Variants in ARHGEF7 observed in about 807,000 individuals in gnomAD.
ARHGEF7 encodes the protein Rho guanine nucleotide exchange factor 7, also known as PAK-interacting exchange factor beta.
A neutral mutation model predicts 109.8 loss-of-function variants in ARHGEF7; 33 were observed. The observed-to-expected ratio is 0.30, with a 90% CI of 0.23 to 0.40. ARHGEF7 has a LOEUF of 0.40. ARHGEF7 is among the 10% of genes least tolerant of loss of function. The probability of loss-of-function intolerance (pLI) is 1.00; values close to 1 mark genes in which losing one functional copy is unlikely to be tolerated. For missense variants in ARHGEF7, 938 were observed against 1,098.5 expected (o/e 0.85, Z 2.07); for synonymous variants, 458 against 424.6 (o/e 1.08, Z -0.97).
At chr13:111,192,501 C>T (rs556312620) in intron 2 of ARHGEF7, among the ~76,000 whole-genome samples, 19 of 152,298 alleles carry the variant, frequency 1.2e-4, no homozygotes, top group Non-Finnish European at 2.5e-4. Context: ...GAGAAAAGGT[C>T]GTCCATACAG....
intron 13 of ARHGEF7, 33 bp downstream of exon 13, chr13:111,277,706 G>A (rs2153602057): frequency 1.4e-6 from 2 of 1,409,798 alleles, no homozygotes; most frequent in South Asian, 1.2e-5. Flanking sequence ...ATTTTATTGT[G>A]GATCTGAGGA....
Position 111,303,675 on chromosome 13 carries a change from G to C in ARHGEF7, c.*562G>C, listed in dbSNP as rs955560214. The stretch of plus-strand genomic sequence containing the variant: ...TTTCTAAATAACCTTATTTATACCT[G>C]CAGAGATACACTTCAGTCCCATTCA... On this transcript the variant is annotated 3_prime_UTR_variant, in exon 22 of 22. Transcript: ENST00000646102. The C allele has an allele frequency of 6.6e-6, 1 of 152,240 alleles. No homozygotes were observed. Among genetic ancestry groups the C allele is most frequent in the Non-Finnish European group, 1.5e-5 (1 of 68,096 alleles). 9.4% of individuals were successfully genotyped at this position (152,240 alleles called of 1,614,324 possible). A position where few individuals can be genotyped will look rare whatever the true frequency, so the allele number is the denominator to read the frequency against.
chr13:111,242,414 C>T (rs1475453682), intron 6 of ARHGEF7, among the ~76,000 whole-genome samples: 1 of 152,102 alleles, frequency 6.6e-6, no homozygotes, highest in Non-Finnish European at 1.5e-5. Flanking sequence ...TTTGGATTAT[C>T]AAAAATGATG....
chr13:111,210,944 G>C, intron 4 of ARHGEF7, among the ~76,000 whole-genome samples: 1 of 152,300 alleles, frequency 6.6e-6, no homozygotes, highest in African/African-American at 2.4e-5. Flanking sequence ...AGATAGAGTC[G>C]TGATTTGTAG....
chr13:111,208,813 C>G (rs2082176473), intron 3 of ARHGEF7, among the ~76,000 whole-genome samples: 1 of 152,108 alleles, frequency 6.6e-6, no homozygotes, highest in Admixed American at 6.5e-5. Context: ...TAGCAAGCCC[C>G]CATCTGTGGG....
intron 1 of ARHGEF7, among the ~76,000 whole-genome samples, chr13:111,133,805 A>ATG (rs2074940267): frequency 3.3e-5 from 1 of 30,732 alleles, no homozygotes; most frequent in Non-Finnish European, 7.3e-5. Context: ...ATATATATAT[A>ATG]TATATATATT....
At chr13:111,275,859 G>A in intron 12 of ARHGEF7, 181 bp downstream of exon 12, 1 of 731,434 alleles carries the variant, frequency 1.4e-6, no homozygotes. Context: ...GAGAGGCTTA[G>A]AGCTGAGTGT....
At chr13:111,267,057 C>T (rs890983036) in intron 8 of ARHGEF7, among the ~76,000 whole-genome samples, 5 of 152,146 alleles carry the variant, frequency 3.3e-5, no homozygotes, top group Non-Finnish European at 5.9e-5. Context: ...TTGGAAAAGC[C>T]TGTTAACTGT....
intron 8 of ARHGEF7, among the ~76,000 whole-genome samples, chr13:111,246,298 C>T (rs752937313): frequency 5.3e-5 from 8 of 152,158 alleles, no homozygotes; most frequent in Non-Finnish European, 8.8e-5. Flanking sequence ...GAAAAGACTA[C>T]AGTACATTAT....
At chr13:111,152,991 G>A (rs2075975374) in intron 1 of ARHGEF7, among the ~76,000 whole-genome samples, 1 of 152,194 alleles carries the variant, frequency 6.6e-6, no homozygotes, top group Admixed American at 6.5e-5. Flanking sequence ...CCTCCACTGC[G>A]GTGGATCCAC....
At chr13:111,223,179 C>T (rs2084708262) in intron 5 of ARHGEF7, among the ~76,000 whole-genome samples, 1 of 152,000 alleles carries the variant, frequency 6.6e-6, no homozygotes, top group Non-Finnish European at 1.5e-5. Context: ...GGGTGGGCGG[C>T]TATATTGCAT....
chr13:111,285,436 G>A (rs2153614642), intron 16 of ARHGEF7, among the ~76,000 whole-genome samples: 1 of 152,288 alleles, frequency 6.6e-6, no homozygotes, highest in South Asian at 2.1e-4. Flanking sequence ...GTGCTTGACA[G>A]TTGACACCTT....
chr13:111,232,791 TG>T (rs540472666), intron 5 of ARHGEF7, among the ~76,000 whole-genome samples: 74 of 152,328 alleles, frequency 4.9e-4, no homozygotes, highest in South Asian at 1.0e-3. Context: ...TTTTCCATTC[TG>T]AGGGATCTGA....
At chr13:111,283,537 C>G (rs565620234) in intron 16 of ARHGEF7, 174 bp downstream of exon 16, 2 of 742,556 alleles carry the variant, frequency 2.7e-6, no homozygotes, top group South Asian at 1.2e-4. Context: ...CTGAGAGGCC[C>G]GTGGTAACCT....
intron 2 of ARHGEF7, among the ~76,000 whole-genome samples, chr13:111,178,654 G>C (rs866789006): frequency 6.6e-6 from 1 of 152,218 alleles, no homozygotes; most frequent in African/African-American, 2.4e-5. Context: ...ATGGTGAGGA[G>C]TGCCAGCCAT....
intron 11 of ARHGEF7, 44 bp from the exon 12 acceptor site, chr13:111,275,488 C>T (rs1448628106): frequency 6.2e-7 from 1 of 1,605,652 alleles, no homozygotes; most frequent in Non-Finnish European, 8.5e-7. Context: ...ACTTAACATT[C>T]TGAAAGTTTA....
In ARHGEF7 at chr13:111,118,608, G is replaced by A. The variant is rs903897791; in HGVS notation, c.165+2917G>A. Reference sequence around the variant, plus strand: ...TCCTCCCGTGAGCAGAGGTCATGACGTCTAGGGAGCCCTGGAAGCCCTTTT... The same window carrying A: ...TCCTCCCGTGAGCAGAGGTCATGACATCTAGGGAGCCCTGGAAGCCCTTTT... On this transcript the variant is annotated intron_variant, in intron 1 of 21. Transcript: ENST00000646102. Among the ~76,000 whole-genome samples the A allele has an allele frequency of 7.9e-5, 12 of 152,256 alleles. No individual in the cohort carries two copies. The Middle Eastern group carries it at 0.014, about 173-fold the overall frequency.
At chr13:111,199,321 T>C (rs560369091) in intron 2 of ARHGEF7, among the ~76,000 whole-genome samples, 109 of 152,294 alleles carry the variant, frequency 7.2e-4, no homozygotes, top group African/African-American at 2.6e-3. Flanking sequence ...TAAGTTTGGG[T>C]CAATATCAGC....
At chr13:111,288,092 G>A (rs928355842) in intron 17 of ARHGEF7, among the ~76,000 whole-genome samples, 4 of 152,134 alleles carry the variant, frequency 2.6e-5, no homozygotes, top group Non-Finnish European at 5.9e-5. Context: ...ATTTTCTTAC[G>A]GGTTGGTAGG....
Sources: allele counts gnomAD v4.1 joint callset (sites outside exome capture counted in the v4.1 genomes callset), GRCh38; gene constraint gnomAD v4.1.1; transcripts MANE v1.5; gene names NCBI Gene and HGNC (gene_info 2026-07-23, HGNC 2026-07-21).